Variants in GADD45A observed in about 807,000 individuals in gnomAD.
GADD45A encodes growth arrest and DNA damage-inducible protein GADD45 alpha.
In GADD45A, 9 loss-of-function variants were observed where a neutral mutation model predicts 17.7. The ratio of observed to expected loss-of-function variants is 0.51; its 90% confidence interval spans 0.31 to 0.89. The LOEUF is 0.89. GADD45A is among the 40% of genes least tolerant of loss of function. GADD45A has a pLI of 0.05. For synonymous variants in GADD45A, 95 were observed against 92.2 expected, an observed-to-expected ratio of 1.03 and a Z score of -0.17; for missense variants, 149 against 220.6, an observed-to-expected ratio of 0.68 and a Z score of 2.06.
intron 1 of GADD45A, 29 bp from the exon 2 acceptor site, chr1:67,685,996 C>T (rs544911004): frequency 2.0e-6 from 3 of 1,515,406 alleles, no homozygotes; most frequent in Admixed American, 1.8e-5. Flanking sequence ...CCGGGGCTGA[C>T]GGGACCCCTC....
At chr1:67,686,975 A>G (rs370218470) in intron 3 of GADD45A, among the ~76,000 whole-genome samples, 13 of 152,352 alleles carry the variant, frequency 8.5e-5, no homozygotes, top group East Asian at 7.7e-4. Context: ...GTCAGAGCTA[A>G]AAATAGAAAT....
chr1:67,687,475 A>G (rs549511174), intron 3 of GADD45A, among the ~76,000 whole-genome samples, 186 bp from the exon 4 acceptor site: 2 of 152,324 alleles, frequency 1.3e-5, no homozygotes, highest in Middle Eastern at 3.4e-3. Context: ...TTAATAGGTA[A>G]TTACCCTTAA....
rs916395639 is a variant in GADD45A, at chr1:67,688,245, C to G, written c.*471C>G. ...TCTCAAAGTTTTATTATAAATTCTA[C>G]TAAGTTATTTTATGACATGAAAAGT... On this transcript the variant is annotated 3_prime_UTR_variant, in exon 4 of 4. Coordinates refer to ENST00000370986, the MANE Select transcript of GADD45A (RefSeq NM_001924.4). 2.6e-5 allele frequency: 4 copies of G among 153,276 alleles called. No homozygotes were observed. Among genetic ancestry groups the G allele is most frequent in the African/African-American group, 7.2e-5 (3 of 41,432 alleles). 9.5% of individuals were successfully genotyped at this position (153,276 alleles called of 1,614,324 possible).
Position 67,687,855 on chromosome 1 carries a change from C to T in GADD45A, c.*81C>T. The T allele has an allele frequency of 1.1e-6, 1 of 892,596 alleles. No homozygotes were observed. The allele number at this position is 892,596 out of a possible 1,614,324, so 55.3% of individuals were successfully genotyped here. The stretch of plus-strand genomic sequence containing the variant: ...TTGTAGTTACTCAAGCAGTTACTCC[C>T]TACACTGATGCAAGGATTACAGAAA... On this transcript the variant is annotated 3_prime_UTR_variant, in exon 4 of 4. Transcript: ENST00000370986.
Position 67,687,900 on chromosome 1 carries a change from T to A in GADD45A, c.*126T>A. On this transcript the variant is annotated 3_prime_UTR_variant, in exon 4 of 4. Transcript: ENST00000370986. ...CAGAAACTGATGCCAAGGGGCTGAGTGAGTTCAACTACATGTTCTGGGGGC... is the reference window on the plus strand; with the variant it reads ...CAGAAACTGATGCCAAGGGGCTGAGAGAGTTCAACTACATGTTCTGGGGGC... 1 of 627,504 alleles carries A rather than the reference T, an allele frequency of 1.6e-6. No homozygotes were observed. The highest frequency in any genetic ancestry group is 2.9e-6 in the Non-Finnish European group (1 of 349,942). 38.9% of individuals were successfully genotyped at this position (627,504 alleles called of 1,614,324 possible).
intron 3 of GADD45A, 71 bp from the exon 4 acceptor site, chr1:67,687,590 C>A: frequency 2.2e-6 from 2 of 918,374 alleles, no homozygotes; most frequent in Non-Finnish European, 3.4e-6. Context: ...CAAGTGTTTT[C>A]TCCTCAAAAG....
chr1:67,686,705 T>C (rs681673), intron 3 of GADD45A, 118 bp downstream of exon 3: 556,667 of 817,338 alleles, frequency 0.68, 192,812 homozygotes, highest in South Asian at 0.74. Flanking sequence ...GCTGCCTTTG[T>C]CCGACTAGAG....
rs1646124685 is a variant in GADD45A, at chr1:67,685,328, A to G, written c.-167A>G. 7 of 575,908 alleles carry G rather than the reference A, an allele frequency of 1.2e-5. No individual in the cohort carries two copies. Among genetic ancestry groups the G allele is most frequent in the Non-Finnish European group, 1.5e-5 (5 of 331,932 alleles). 35.7% of individuals were successfully genotyped at this position (575,908 alleles called of 1,614,324 possible). On this transcript the variant is annotated 5_prime_UTR_variant, in exon 1 of 4. Transcript: ENST00000370986. ...GGTGGCCGGAGCTGCGGCGGCTGGCACAGGAGGAGGAGCCCGGGCGGGCGA... is the reference window on the plus strand; with the variant it reads ...GGTGGCCGGAGCTGCGGCGGCTGGCGCAGGAGGAGGAGCCCGGGCGGGCGA...
intron 3 of GADD45A, 60 bp downstream of exon 3, chr1:67,686,647 C>T: frequency 2.8e-6 from 4 of 1,431,010 alleles, no homozygotes; most frequent in Non-Finnish European, 3.8e-6. Context: ...GGAGTCAGGG[C>T]TGGGTTGCCT....
intron 1 of GADD45A, 179 bp downstream of exon 1, chr1:67,685,717 C>T (rs1354114753): frequency 1.5e-6 from 1 of 670,334 alleles, no homozygotes; most frequent in South Asian, 1.9e-5. Flanking sequence ...AGAGCGTGCC[C>T]CCCAACCCGA....
chr1:67,686,108 C>A lies in GADD45A; in HGVS notation c.128C>A (p.Ala43Glu). 1.2e-6 allele frequency: 2 copies of A among 1,610,386 alleles called. No individual in the cohort carries two copies. Among genetic ancestry groups the A allele is most frequent in the Non-Finnish European group, 1.7e-6 (2 of 1,178,442 alleles). ...QRTITVGVYE[A>E]AKLLNVDPDN... ...ACGATCACTGTCGGGGTGTACGAAG[C>A]GGCCAAGCTGCTCAACGTGTAAGTG... Residue 43 changes from alanine to glutamate, a missense_variant, in exon 2 of 4, where the codon GCG becomes GAG. Ala to Glu is a moderately radical substitution (Grantham distance 107, BLOSUM62 -1). Coordinates refer to ENST00000370986, the MANE Select transcript of GADD45A (RefSeq NM_001924.4).
intron 3 of GADD45A, 114 bp downstream of exon 3, chr1:67,686,701 T>A: frequency 1.2e-6 from 1 of 839,878 alleles, no homozygotes; most frequent in Non-Finnish European, 1.8e-6. Flanking sequence ...GGTGGCTGCC[T>A]TTGTCCGACT....
At chr1:67,686,193 C>T in intron 2 of GADD45A, 67 bp downstream of exon 2, 1 of 1,421,366 alleles carries the variant, frequency 7.0e-7, no homozygotes. Context: ...GTCGCCTTGG[C>T]TGGGCGCCCC....
Position 67,687,889 on chromosome 1 carries a change from A to C in GADD45A, c.*115A>C. The C allele has an allele frequency of 1.4e-6, 1 of 702,010 alleles. No individual in the cohort carries two copies. The highest frequency in any genetic ancestry group is 2.5e-6 in the Non-Finnish European group (1 of 397,530). The allele number at this position is 702,010 out of a possible 1,614,324, so 43.5% of individuals were successfully genotyped here. ...TGCAAGGATTACAGAAACTGATGCC[A>C]AGGGGCTGAGTGAGTTCAACTACAT... On this transcript the variant is annotated 3_prime_UTR_variant, in exon 4 of 4. Transcript: ENST00000370986.
In GADD45A at chr1:67,685,297, G is replaced by C. The variant is rs1420162304; in HGVS notation, c.-198G>C. 2 of 533,430 alleles carry C rather than the reference G, an allele frequency of 3.7e-6. No homozygotes were observed. Among genetic ancestry groups the C allele is most frequent in the Non-Finnish European group, 6.6e-6 (2 of 305,308 alleles). 33.0% of individuals were successfully genotyped at this position (533,430 alleles called of 1,614,324 possible). The stretch of plus-strand genomic sequence containing the variant: ...CGGGGAGCGAGCGAGCAAGCAAGGC[G>C]GGAGGGGTGGCCGGAGCTGCGGCGG... On this transcript the variant is annotated 5_prime_UTR_variant, in exon 1 of 4. Coordinates refer to ENST00000370986, the MANE Select transcript of GADD45A (RefSeq NM_001924.4).
intron 3 of GADD45A, among the ~76,000 whole-genome samples, chr1:67,687,307 A>G (rs540702729): frequency 5.9e-5 from 9 of 152,220 alleles, no homozygotes; most frequent in Non-Finnish European, 1.3e-4. Context: ...TGCACACAGC[A>G]TGGAAATCTT....
At position 67,686,016 on chromosome 1, in the gene GADD45A, C is replaced by G; in HGVS notation, c.45-9C>G. ...GCTGACGGGACCCCTCGCCCTTGCC[C>G]GCGTGTAGGATGGATAAGGTGGGGG... On this transcript the variant is annotated splice_polypyrimidine_tract_variant and intron_variant, in intron 1 of 3. Coordinates refer to ENST00000370986, the MANE Select transcript of GADD45A (RefSeq NM_001924.4). The G allele has an allele frequency of 6.3e-7, 1 of 1,589,072 alleles. No individual in the cohort carries two copies. The highest frequency in any genetic ancestry group is 1.7e-4 in the Middle Eastern group (1 of 5,974).
chr1:67,686,682 G>A, intron 3 of GADD45A, 95 bp downstream of exon 3: 1 of 1,031,430 alleles, frequency 9.7e-7, no homozygotes, highest in Admixed American at 2.7e-5. Context: ...GGTAGGTGGG[G>A]GTCAGGAGGG....
chr1:67,687,261 A>G (rs971448883), intron 3 of GADD45A, among the ~76,000 whole-genome samples: 2 of 152,150 alleles, frequency 1.3e-5, no homozygotes, highest in Admixed American at 1.3e-4. Flanking sequence ...GTTGATGGCA[A>G]TTCCAGTTAA....
Sources: allele counts gnomAD v4.1 joint callset (sites outside exome capture counted in the v4.1 genomes callset), GRCh38; gene constraint gnomAD v4.1.1; transcripts MANE v1.5; gene names NCBI Gene and HGNC (gene_info 2026-07-23, HGNC 2026-07-21).